Variants in LOC122539214 observed in about 807,000 individuals in gnomAD.
chr19:52,677,236 A>T, the LOC122539214 span, among the ~76,000 whole-genome samples: 3 of 150,264 alleles, frequency 2.0e-5, no homozygotes, highest in Non-Finnish European at 3.0e-5. Flanking sequence ...ACAAAGCATG[A>T]GTGAGACTGG....
the LOC122539214 span, among the ~76,000 whole-genome samples, chr19:52,669,638 C>T: frequency 4.6e-5 from 7 of 152,264 alleles, no homozygotes; most frequent in Middle Eastern, 3.4e-3. Context: ...CTGCTCTGTC[C>T]AATAAGTTAG....
the LOC122539214 span, among the ~76,000 whole-genome samples, chr19:52,688,898 A>G: frequency 2.0e-5 from 3 of 151,584 alleles, no homozygotes. Flanking sequence ...CGAATAGCCA[A>G]GTCTAAATGA....
the LOC122539214 span, chr19:52,653,376 C>G: frequency 9.3e-7 from 1 of 1,078,252 alleles, no homozygotes; most frequent in Non-Finnish European, 1.4e-6. Flanking sequence ...GCTGGAAAAC[C>G]TTGCCACATT....
At chr19:52,685,005 G>C in the LOC122539214 span, among the ~76,000 whole-genome samples, 2 of 152,224 alleles carry the variant, frequency 1.3e-5, no homozygotes, top group Non-Finnish European at 2.9e-5. Flanking sequence ...TCCTCATACA[G>C]AGAAAGGCCC....
At chr19:52,687,575 ATT>A in the LOC122539214 span, among the ~76,000 whole-genome samples, 210 of 30,248 alleles carry the variant, frequency 6.9e-3, 17 homozygotes, top group African/African-American at 0.041. Flanking sequence ...ATATATATAA[ATT>A]TTATATATAT....
At chr19:52,668,957 C>A in the LOC122539214 span, among the ~76,000 whole-genome samples, 1 of 152,192 alleles carries the variant, frequency 6.6e-6, no homozygotes, top group African/African-American at 2.4e-5. Context: ...GCTTCCAACT[C>A]CCAACACTAA....
chr19:52,664,522 C>T, the LOC122539214 span, among the ~76,000 whole-genome samples: 1 of 152,042 alleles, frequency 6.6e-6, no homozygotes, highest in African/African-American at 2.4e-5. Context: ...AAGAAGGAAC[C>T]ACTGGGTCCT....
the LOC122539214 span, among the ~76,000 whole-genome samples, chr19:52,670,124 C>T: frequency 6.6e-6 from 1 of 151,860 alleles, no homozygotes; most frequent in Non-Finnish European, 1.5e-5. Context: ...ACCTGCTCCA[C>T]CTTGACTCAT....
the LOC122539214 span, among the ~76,000 whole-genome samples, chr19:52,672,645 G>C: frequency 5.3e-5 from 8 of 152,146 alleles, no homozygotes; most frequent in African/African-American, 1.7e-4. Context: ...TGTTGCCTAG[G>C]CTGGGGTGCA....
the LOC122539214 span, among the ~76,000 whole-genome samples, chr19:52,687,599 GTA>G: frequency 6.5e-4 from 11 of 16,820 alleles, 2 homozygotes; most frequent in East Asian, 2.2e-3. Context: ...TATATATAAT[GTA>G]TATATATATA....
At chr19:52,680,015 A>T in the LOC122539214 span, among the ~76,000 whole-genome samples, 2 of 152,112 alleles carry the variant, frequency 1.3e-5, no homozygotes, top group African/African-American at 2.4e-5. Flanking sequence ...TCCTGTCGCT[A>T]CTAAAAATAC....
the LOC122539214 span, among the ~76,000 whole-genome samples, chr19:52,674,997 A>C: frequency 6.6e-6 from 1 of 152,198 alleles, no homozygotes; most frequent in African/African-American, 2.4e-5. Flanking sequence ...CTGGGATTAC[A>C]GGCATGAGCC....
chr19:52,660,060 G>A, the LOC122539214 span, among the ~76,000 whole-genome samples: 1 of 152,176 alleles, frequency 6.6e-6, no homozygotes, highest in South Asian at 2.1e-4. Flanking sequence ...GTGTGGTGGT[G>A]TGCGACTGTA....
the LOC122539214 span, among the ~76,000 whole-genome samples, chr19:52,680,115 G>A: frequency 1.3e-5 from 2 of 152,156 alleles, no homozygotes; most frequent in East Asian, 1.9e-4. Context: ...GGAGACAGAG[G>A]TTGTGGTAAG....
chr19:52,681,279 T>C, the LOC122539214 span, among the ~76,000 whole-genome samples: 3 of 15,020 alleles, frequency 2.0e-4, no homozygotes, highest in South Asian at 4.0e-3. Flanking sequence ...TGAGACTTTC[T>C]CAAAAAAAAA....
the LOC122539214 span, chr19:52,654,329 T>A: frequency 4.9e-6 from 7 of 1,423,900 alleles, no homozygotes; most frequent in Non-Finnish European, 6.8e-6. Context: ...CTTTGCAATG[T>A]CCCTGTGTGG....
At chr19:52,686,389 AG>A in the LOC122539214 span, among the ~76,000 whole-genome samples, 1 of 151,644 alleles carries the variant, frequency 6.6e-6, no homozygotes, top group Admixed American at 6.6e-5. Flanking sequence ...ATCTTTCAGA[AG>A]TGATTAAGTA....
chr19:52,689,483 G>C, the LOC122539214 span, among the ~76,000 whole-genome samples: 3 of 151,942 alleles, frequency 2.0e-5, no homozygotes, highest in African/African-American at 7.3e-5. Flanking sequence ...ACTCTGCTCT[G>C]TCTGCCCTGG....
chr19:52,655,638 C>T, the LOC122539214 span: 1 of 1,426,488 alleles, frequency 7.0e-7, no homozygotes, highest in Non-Finnish European at 9.9e-7. Flanking sequence ...CAGGCATTTC[C>T]ACTCCTCCAA....
Sources: allele counts gnomAD v4.1 joint callset (sites outside exome capture counted in the v4.1 genomes callset), GRCh38; gene constraint gnomAD v4.1.1; transcripts MANE v1.5.